NEB: variants seen among roughly 807,000 people sequenced by gnomAD.
The protein encoded by NEB is nebulin, also known as nemaline myopathy type 2.
Under a neutral mutation model 952.2 loss-of-function variants are expected in NEB, and 512 were observed. The ratio of observed to expected loss-of-function variants is 0.54; its 90% CI spans 0.50 to 0.58. The LOEUF is 0.58. Ranked by LOEUF, NEB falls within the 20% of genes least tolerant of loss-of-function variation. The pLI is 0.00. For missense variants in NEB, 8,428 were observed against 9,231.1 expected (o/e 0.91, Z 3.56); for synonymous variants, 2,900 against 3,149.8 (o/e 0.92, Z 2.66).
rs763268909 is a variant in NEB at position 151,627,619 on chromosome 2, G to T, written c.10047C>A (p.Ser3349Arg). The change falls in exon 69 of 182, where the codon AGC (serine) becomes AGA (arginine). Residue 3349 changes from serine (S) to arginine (R), a missense_variant. Ser to Arg is a moderately radical substitution (Grantham distance 110). This residue lies in a region of NEB where 1,772 missense variants were observed against 1,960.3 expected (regional missense o/e 0.90). Coordinates refer to ENST00000397345, the MANE Select transcript of NEB (RefSeq NM_001164508.2). ...GCAGGTAGTTCTTGTAGTCCACATC[G>T]CTGACTAAGGTCTGGCACTTCTTGG... Reference protein sequence around the residue: ...VLAKKCQTLVSDVDYKNYLHE... With the variant: ...VLAKKCQTLVRDVDYKNYLHE... The T allele has an allele frequency of 1.5e-5, 25 of 1,613,870 alleles. No individual in the cohort carries two copies. In the South Asian group the frequency reaches 2.5e-4, roughly 16 times the overall value.
rs1369804318 is a variant in NEB, at chr2:151,493,823, A to C, written c.24624T>G (p.Phe8208Leu). 6.3e-7 allele frequency: 1 copy of C among 1,588,302 alleles called. No individual in the cohort carries two copies. Among genetic ancestry groups the C allele is most frequent in the East Asian group, 2.3e-5 (1 of 44,274 alleles). The change falls in exon 175 of 182, where the codon TTT (phenylalanine) becomes TTG (leucine). Residue 8208 changes from phenylalanine to leucine, a missense_variant. By Grantham distance (22) the Phe-to-Leu change is conservative (BLOSUM62 0). Coordinates refer to ENST00000397345, the MANE Select transcript of NEB (RefSeq NM_001164508.2). Reference sequence around the variant, plus strand: ...GTTTCACTCTTTCCATCTCAGGAGTAAAGGGTGTGGGGGTTGCTTTCCCCA... The same window carrying C: ...GTTTCACTCTTTCCATCTCAGGAGTCAAGGGTGTGGGGGTTGCTTTCCCCA... ...ENLGKATPTP[F>L]TPEMERVKRN...
rs113401628 is a variant in NEB, at chr2:151,706,832, T to C, written c.1152+49A>G. 0.016 allele frequency: 21,870 copies of C among 1,345,140 alleles called. 246 individuals are homozygous for C. The highest frequency in any genetic ancestry group is 0.027 in the South Asian group (2,036 of 76,334). The allele number at this position is 1,345,140 out of a possible 1,614,324, so 83.3% of individuals were successfully genotyped here. On this transcript the variant is annotated intron_variant, in intron 13 of 181. Coordinates refer to ENST00000397345, the MANE Select transcript of NEB (RefSeq NM_001164508.2). ...TAGTCATTAAAGGAGAAAATTTTCA[T>C]CTCTTTTGCAGCTAAGGTTTAAAAA...
At position 151,607,591 on chromosome 2, in the gene NEB, G is replaced by A; in HGVS notation, c.12552C>T (p.Ala4184=). ...LQISEKLYQE[A]WNKDKSNITI... Reference sequence around the variant, plus strand: ...TGATGTTGCTTTTATCTTTATTCCAGGCTTCCTGATACAGTTTCTGTGGAG... The same window carrying A: ...TGATGTTGCTTTTATCTTTATTCCAAGCTTCCTGATACAGTTTCTGTGGAG... Residue 4184 remains alanine, a synonymous_variant, in exon 83 of 182, where the codon GCC becomes GCT. Transcript: ENST00000397345. The A allele has an allele frequency of 1.6e-6, 1 of 626,442 alleles. No homozygotes were observed. Among genetic ancestry groups the A allele is most frequent in the African/African-American group, 1.8e-5 (1 of 54,642 alleles). The allele number at this position is 626,442 out of a possible 1,614,324, so 38.8% of individuals were successfully genotyped here.
chr2:151,637,006 T>G (rs965940622), intron 63 of NEB, among the ~76,000 whole-genome samples: 1 of 152,266 alleles, frequency 6.6e-6, no homozygotes, highest in African/African-American at 2.4e-5. Context: ...GCTTAACTGT[T>G]GATCATGGCA....
chr2:151,492,523 G>C (rs749444070), intron 176 of NEB, 29 bp from the exon 177 acceptor site: 2 of 1,502,134 alleles, frequency 1.3e-6, no homozygotes, highest in Non-Finnish European at 1.8e-6. Context: ...TGAATGAGTG[G>C]TGCTGTCCTA....
chr2:151,732,344 T>C (rs529742011), intron 3 of NEB, among the ~76,000 whole-genome samples: 91 of 152,258 alleles, frequency 6.0e-4, no homozygotes, highest in African/African-American at 2.2e-3. Flanking sequence ...AACCGTAAGA[T>C]GATAAAAACA....
intron 10 of NEB, among the ~76,000 whole-genome samples, chr2:151,714,638 T>TACAC (rs1172010106): frequency 6.6e-6 from 1 of 152,136 alleles, no homozygotes; most frequent in African/African-American, 2.4e-5. Flanking sequence ...GAGGACCCCT[T>TACAC]GGCCCCAACA....
At chr2:151,569,087 T>C (rs1452375689) in intron 110 of NEB, among the ~76,000 whole-genome samples, 181 bp downstream of exon 110, 1 of 152,252 alleles carries the variant, frequency 6.6e-6, no homozygotes, top group Non-Finnish European at 1.5e-5. Flanking sequence ...GGATATTATA[T>C]TATGGATGTG....
intron 128 of NEB, 43 bp downstream of exon 128, chr2:151,552,629 C>T: frequency 7.0e-7 from 1 of 1,432,038 alleles, no homozygotes; most frequent in Admixed American, 1.8e-5. Flanking sequence ...AGTGGTGGCC[C>T]TGCTTTATTA....
At chr2:151,557,549 G>C (rs1383190008) in intron 124 of NEB, among the ~76,000 whole-genome samples, 4 of 152,072 alleles carry the variant, frequency 2.6e-5, no homozygotes, top group Non-Finnish European at 5.9e-5. Context: ...ACCAAAGCCG[G>C]GCAGAGACAC....
At chr2:151,616,821 T>C (rs574822994) in intron 75 of NEB, among the ~76,000 whole-genome samples, 29 of 152,234 alleles carry the variant, frequency 1.9e-4, no homozygotes, top group Non-Finnish European at 3.2e-4. Context: ...TTCTGTTTTA[T>C]GAAAAACTCA....
Position 151,644,144 on chromosome 2 carries a change from T to A in NEB, c.7645-15A>T. On this transcript the variant is annotated splice_polypyrimidine_tract_variant and intron_variant, in intron 56 of 181. Transcript: ENST00000397345. ...TTGTACTTGTACTAGAGAAAAAAAA[T>A]GTGTCTCATTCCTTTCAAAATTTAC... 6.2e-7 allele frequency: 1 copy of A among 1,609,574 alleles called. No homozygotes were observed. The highest frequency in any genetic ancestry group is 8.5e-7 in the Non-Finnish European group (1 of 1,176,358).
intron 55 of NEB, 144 bp from the exon 56 acceptor site, chr2:151,644,719 A>G (rs1289873597): frequency 1.4e-6 from 1 of 712,508 alleles, no homozygotes; most frequent in African/African-American, 1.8e-5. Flanking sequence ...AATTATGCCC[A>G]TTGATTGCTA....
chr2:151,615,708 T>A (rs1211044440), intron 76 of NEB, among the ~76,000 whole-genome samples: 1 of 152,222 alleles, frequency 6.6e-6, no homozygotes, highest in Non-Finnish European at 1.5e-5. Flanking sequence ...TTATTTATTT[T>A]TTTTGAAGAC....
chr2:151,549,758 A>C lies in NEB; in HGVS notation c.19945-18T>G. On this transcript the variant is annotated intron_variant, in intron 129 of 181. Coordinates refer to ENST00000397345, the MANE Select transcript of NEB (RefSeq NM_001164508.2). ...TATAGATTCTGCAGGAATGAGGAAGAGCAGGTTAAATGACATCGGGCATCA... is the reference window on the plus strand; with the variant it reads ...TATAGATTCTGCAGGAATGAGGAAGCGCAGGTTAAATGACATCGGGCATCA... 1 of 1,470,788 alleles carries C rather than the reference A, an allele frequency of 6.8e-7. No individual in the cohort carries two copies. The highest frequency in any genetic ancestry group is 1.2e-5 in the South Asian group (1 of 82,994). The allele number at this position is 1,470,788 out of a possible 1,614,324, so 91.1% of individuals were successfully genotyped here. A position where few individuals can be genotyped will look rare whatever the true frequency, so the allele number is the denominator to read the frequency against.
In NEB at chr2:151,496,273, T is replaced by C. The variant is rs1266459253; in HGVS notation, c.24486+3A>G. 6.2e-7 allele frequency: 1 copy of C among 1,602,500 alleles called. No individual in the cohort carries two copies. The highest frequency in any genetic ancestry group is 2.2e-5 in the East Asian group (1 of 44,734). On this transcript the variant is annotated splice_donor_region_variant and intron_variant, in intron 173 of 181. Transcript: ENST00000397345. ...GTAGTTTTTTTCTTTTCTCGCCAAG[T>C]ACCGAGCTAATATTTTCTTGATTGT...
chr2:151,612,111 T>G, intron 78 of NEB, 75 bp downstream of exon 78: 1 of 1,474,864 alleles, frequency 6.8e-7, no homozygotes, highest in Non-Finnish European at 9.4e-7. Flanking sequence ...AGGGAATCCT[T>G]AGGGAATTTC....
Position 151,663,872 on chromosome 2 carries a change from A to G in NEB, c.5452-13T>C, listed in dbSNP as rs748949581. On this transcript the variant is annotated splice_polypyrimidine_tract_variant and intron_variant, in intron 44 of 181. Coordinates refer to ENST00000397345, the MANE Select transcript of NEB (RefSeq NM_001164508.2). ...TCTTGTATTTGTACTGTGGACAGAG[A>G]AGAAATTATGGTGATGAAAATGGTA... The G allele has an allele frequency of 6.2e-7, 1 of 1,604,564 alleles. No homozygotes were observed. Among genetic ancestry groups the G allele is most frequent in the Non-Finnish European group, 8.5e-7 (1 of 1,173,494 alleles).
intron 145 of NEB, among the ~76,000 whole-genome samples, chr2:151,530,392 C>T (rs181081859): frequency 6.6e-5 from 10 of 152,034 alleles, no homozygotes; most frequent in East Asian, 1.9e-4. Flanking sequence ...TCGAGGGCCT[C>T]GATCTGGGCT....
Sources: gnomAD v4.1 joint callset for allele counts (sites outside exome capture counted in the v4.1 genomes callset) on GRCh38, gnomAD v4.1.1 for gene constraint, gnomAD v4.1.1 regional missense constraint, MANE v1.5 for transcripts, NCBI Gene and HGNC (gene_info 2026-07-23, HGNC 2026-07-21) for gene names.